Variants in EPHB2 observed in about 807,000 individuals in gnomAD.
EPHB2 encodes the protein EPH receptor B2, also known as ephrin type-B receptor 2.
A neutral mutation model predicts 96.4 loss-of-function variants in EPHB2; 18 were observed. The ratio of observed to expected loss-of-function variants is 0.19; its 90% confidence interval spans 0.13 to 0.28. The LOEUF is 0.28. EPHB2 is among the 10% of genes least tolerant of loss of function. The pLI is 1.00. For missense variants in EPHB2, 989 were observed against 1,355.4 expected (o/e 0.73, Z 4.25); for synonymous variants, 506 against 534.1 (o/e 0.95, Z 0.72).
rs201691912 is a variant in EPHB2 at position 22,892,938 on chromosome 1, G to A, written c.1483G>A (p.Val495Met). ...AIKSPTNTVT[V>M]QGLKAGAIYV... ...AAAAAGCCCCACCAACACGGTCACCGTGCAGGGCCTCAAAGCCGGCGCCAT... is the reference window on the plus strand; with the variant it reads ...AAAAAGCCCCACCAACACGGTCACCATGCAGGGCCTCAAAGCCGGCGCCAT... Residue 495 changes from valine (V) to methionine (M), a missense_variant, in exon 7 of 16, where the codon GTG becomes ATG. By Grantham distance (21) the Val-to-Met change is conservative. Coordinates refer to ENST00000374630, the MANE Select transcript of EPHB2 (RefSeq NM_017449.5). 268 of 1,614,232 alleles carry A rather than the reference G, an allele frequency of 1.7e-4. 1 individual carries two copies. Among genetic ancestry groups the A allele is most frequent in the Non-Finnish European group, 1.9e-4 (222 of 1,180,044 alleles).
At chr1:22,823,456 G>A (rs1645181032) in intron 3 of EPHB2, among the ~76,000 whole-genome samples, 1 of 152,154 alleles carries the variant, frequency 6.6e-6, no homozygotes, top group Non-Finnish European at 1.5e-5. Flanking sequence ...CCTCCTTTGT[G>A]AAATTGTTCA....
At chr1:22,879,969 C>T (rs1189787289) in intron 5 of EPHB2, among the ~76,000 whole-genome samples, 2 of 152,172 alleles carry the variant, frequency 1.3e-5, no homozygotes, top group East Asian at 3.9e-4. Flanking sequence ...TCTGGAGTGT[C>T]TCGGGACAAT....
chr1:22,813,093 A>T (rs77060828), intron 3 of EPHB2, among the ~76,000 whole-genome samples: 2,282 of 152,288 alleles, frequency 0.015, 63 homozygotes, highest in African/African-American at 0.052. Flanking sequence ...ATACTCTGTT[A>T]TAATTCTATA....
At chr1:22,881,601 C>A (rs542248869) in intron 5 of EPHB2, among the ~76,000 whole-genome samples, 1 of 148,164 alleles carries the variant, frequency 6.7e-6, no homozygotes, top group South Asian at 2.1e-4. Context: ...TATTTCTTCT[C>A]CCCACTCTTT....
chr1:22,789,042 C>T (rs1404351439), intron 3 of EPHB2, among the ~76,000 whole-genome samples: 1 of 152,160 alleles, frequency 6.6e-6, no homozygotes, highest in African/African-American at 2.4e-5. Flanking sequence ...GCATGAGCCA[C>T]CGTGCCCAGC....
At position 22,860,809 on chromosome 1, in the gene EPHB2, C is replaced by T. The variant is rs1215633892; in HGVS notation, c.812-2228C>T. ...CGTTCAGAGAGGCCGACTGCTCGAC[C>T]AGAGCTGGGGCTGCAGCCTGCATGT... On this transcript the variant is annotated intron_variant, in intron 3 of 15. Transcript: ENST00000374630. This position sits in a 1 kb window ranked among gnomAD's most constrained non-coding sequence, Gnocchi z 4.6. Among the ~76,000 whole-genome samples, 1 of 152,142 alleles carries T rather than the reference C, an allele frequency of 6.6e-6. No homozygotes were observed. The highest frequency in any genetic ancestry group is 2.4e-5 in the African/African-American group (1 of 41,420).
At chr1:22,813,466 A>C (rs888511783) in intron 3 of EPHB2, among the ~76,000 whole-genome samples, 4 of 152,212 alleles carry the variant, frequency 2.6e-5, no homozygotes, top group African/African-American at 9.6e-5. Context: ...TCTGTGGTGC[A>C]GTCCGGCTCC....
Position 22,863,061 on chromosome 1 carries a change from C to A in EPHB2, c.836C>A (p.Ala279Asp). ...CRGCPSGTFKANQGDEACTHC... is the reference protein window; with the variant it reads ...CRGCPSGTFKDNQGDEACTHC... ...GGTTGTCCATCTGGGACTTTCAAGG[C>A]CAACCAAGGGGATGAGGCCTGTACC... The change falls in exon 4 of 16, where the codon GCC (alanine) becomes GAC (aspartate). Residue 279 changes from alanine to aspartate, a missense_variant. Physicochemically the swap from Ala to Asp is moderately radical, Grantham distance 126. Transcript: ENST00000374630. 2 of 1,614,216 alleles carry A rather than the reference C, an allele frequency of 1.2e-6. No homozygotes were observed. The highest frequency in any genetic ancestry group is 1.7e-6 in the Non-Finnish European group (2 of 1,180,036).
rs1639522204 is a variant in EPHB2 at position 22,895,352 on chromosome 1, A to G, written c.1592-120A>G. On this transcript the variant is annotated intron_variant, in intron 7 of 15. Coordinates refer to ENST00000374630, the MANE Select transcript of EPHB2 (RefSeq NM_017449.5). Reference sequence around the variant, plus strand: ...ATGGGCATGTAACAGGTGCTCTGTCAGGGGCAGGAACAGAGTCTAGGGATC... The same window carrying G: ...ATGGGCATGTAACAGGTGCTCTGTCGGGGGCAGGAACAGAGTCTAGGGATC... The G allele has an allele frequency of 2.2e-5, 19 of 879,084 alleles. No homozygotes were observed. The South Asian group carries it at 2.6e-4, about 12-fold the overall frequency. The allele number at this position is 879,084 out of a possible 1,614,324, so 54.5% of individuals were successfully genotyped here. A position where few individuals can be genotyped will look rare whatever the true frequency, so the allele number is the denominator to read the frequency against.
chr1:22,769,677 G>A (rs1644352247), intron 1 of EPHB2, among the ~76,000 whole-genome samples: 1 of 152,182 alleles, frequency 6.6e-6, no homozygotes, highest in African/African-American at 2.4e-5. Flanking sequence ...CAAAGTGCTG[G>A]GATTACAGGC....
At chr1:22,718,379 CTT>C (rs5773014) in intron 1 of EPHB2, among the ~76,000 whole-genome samples, 88 of 81,484 alleles carry the variant, frequency 1.1e-3, no homozygotes, top group East Asian at 2.1e-3. Context: ...GCTGTCAATT[CTT>C]TTTTTTTTTT....
At chr1:22,885,513 T>C (rs1570438153) in intron 6 of EPHB2, among the ~76,000 whole-genome samples, 1 of 152,376 alleles carries the variant, frequency 6.6e-6, no homozygotes, top group South Asian at 2.1e-4. Flanking sequence ...GCACTTGCTA[T>C]GTGCTAAGCA....
chr1:22,774,639 G>A, intron 1 of EPHB2: 3 of 985,258 alleles, frequency 3.0e-6, no homozygotes, highest in Non-Finnish European at 3.6e-6. Flanking sequence ...GTGGCTGGAA[G>A]GTAATTAGCT....
rs1383367694 is a variant in EPHB2 at position 22,714,224 on chromosome 1, A to AC, written c.61+3187dup. Among the ~76,000 whole-genome samples, 6 of 151,748 alleles carry AC rather than the reference A, an allele frequency of 4.0e-5. No homozygotes were observed. The East Asian group carries it at 7.7e-4, about 20-fold the overall frequency. ...ACGTACTTCCCAGAGGAGGCTGTGA[A>AC]CCCCCCGGGGCGGCAGGTGCACTTG... On this transcript the variant is annotated intron_variant, in intron 1 of 15. Transcript: ENST00000374630.
chr1:22,878,314 G>A (rs925321948), intron 5 of EPHB2, among the ~76,000 whole-genome samples: 9 of 152,210 alleles, frequency 5.9e-5, no homozygotes, highest in Admixed American at 3.9e-4. Context: ...CCTAAAATGG[G>A]AGCTTGGACC....
chr1:22,795,505 G>T (rs1356650639), intron 3 of EPHB2, among the ~76,000 whole-genome samples: 9 of 152,110 alleles, frequency 5.9e-5, no homozygotes, highest in Non-Finnish European at 1.0e-4. Flanking sequence ...TGCCCCCATA[G>T]CTTGGTGGGA....
chr1:22,866,415 G>T (rs114446683), intron 5 of EPHB2, among the ~76,000 whole-genome samples: 2,258 of 152,152 alleles, frequency 0.015, 59 homozygotes, highest in African/African-American at 0.052. Flanking sequence ...AATTTGACTT[G>T]CAGTTTGAAG....
At position 22,895,472 on chromosome 1, in the gene EPHB2, C is replaced by T; in HGVS notation, c.1592C>T (p.Ala531Val). The change falls in exon 8 of 16, where the codon GCC (alanine) becomes GTC (valine). Residue 531 changes from alanine (A) to valine (V), a missense_variant and splice_region_variant. Ala to Val is a moderately conservative substitution (Grantham distance 64). Transcript: ENST00000374630. The part of the protein sequence containing the change: ...GKMYFQTMTE[A>V]EYQTSIQEKL... ...ATGCCCTACCATGCTTTCTCCCCAG[C>T]CGAGTACCAGACAAGCATCCAGGAG... 2.5e-6 allele frequency: 4 copies of T among 1,614,200 alleles called. No individual in the cohort carries two copies. The highest frequency in any genetic ancestry group is 3.4e-6 in the Non-Finnish European group (4 of 1,180,012).
At chr1:22,884,082 G>A (rs981916579) in intron 6 of EPHB2, among the ~76,000 whole-genome samples, 5 of 150,960 alleles carry the variant, frequency 3.3e-5, no homozygotes, top group Non-Finnish European at 7.4e-5. Flanking sequence ...AAGTGAACAT[G>A]GACTCTGCCC....
Sources: gnomAD v4.1 joint callset for allele counts (sites outside exome capture counted in the v4.1 genomes callset) on GRCh38, gnomAD v4.1.1 for gene constraint, Gnocchi (gnomAD v3.1) non-coding constraint, MANE v1.5 for transcripts, NCBI Gene and HGNC (gene_info 2026-07-23, HGNC 2026-07-21) for gene names.